The following AKAP9 variants were observed in gnomAD, a reference collection of about 807,000 sequenced individuals.
AKAP9 encodes A-kinase anchor protein 9.
Under a neutral mutation model 488.5 loss-of-function variants are expected in AKAP9, and 311 were observed. The ratio of observed to expected loss-of-function variants is 0.64; its 90% CI spans 0.58 to 0.70. The LOEUF (loss-of-function observed/expected upper bound fraction) is 0.70, where lower values mean the gene tolerates loss of function less well. AKAP9 is among the 30% of genes least tolerant of loss of function. The pLI is 0.00. For missense variants in AKAP9, 4,215 were observed against 4,374.5 expected, an observed-to-expected ratio of 0.96 and a Z score of 1.03; for synonymous variants, 1,462 against 1,483.5, an observed-to-expected ratio of 0.99 and a Z score of 0.33.
chr7:91,943,746 A>G (rs889867807), intron 1 of AKAP9, among the ~76,000 whole-genome samples: 1 of 152,256 alleles, frequency 6.6e-6, no homozygotes, highest in South Asian at 2.1e-4. Context: ...ATGAGTCATT[A>G]ATAAGTGTTA....
intron 7 of AKAP9, among the ~76,000 whole-genome samples, chr7:91,999,894 A>C (rs1798930116): frequency 6.6e-6 from 1 of 152,020 alleles, no homozygotes; most frequent in African/African-American, 2.4e-5. Context: ...GGCACCTTTA[A>C]GTCCTGTTTG....
chr7:92,094,908 C>A, intron 39 of AKAP9, 115 bp from the exon 40 acceptor site: 1 of 798,872 alleles, frequency 1.3e-6, no homozygotes, highest in Non-Finnish European at 2.1e-6. Flanking sequence ...TTTATATTTT[C>A]CTCTTAGCTA....
intron 3 of AKAP9, among the ~76,000 whole-genome samples, chr7:91,990,648 T>C (rs1215675756): frequency 6.6e-6 from 1 of 152,176 alleles, no homozygotes; most frequent in Admixed American, 6.6e-5. Context: ...TAGATGAAAC[T>C]ATAAACATAA....
intron 1 of AKAP9, among the ~76,000 whole-genome samples, chr7:91,969,641 C>A (rs1477945322): frequency 2.0e-5 from 3 of 152,136 alleles, no homozygotes; most frequent in East Asian, 1.9e-4. Context: ...TAAATTGACA[C>A]CTTTATCATT....
At chr7:92,102,029 G>A (rs1044540568) in intron 45 of AKAP9, among the ~76,000 whole-genome samples, 18 of 151,790 alleles carry the variant, frequency 1.2e-4, no homozygotes, top group East Asian at 5.8e-4. Context: ...GGTGGTGGGC[G>A]CCTGTAATCC....
At chr7:91,951,084 G>A (rs1792181848) in intron 1 of AKAP9, among the ~76,000 whole-genome samples, 1 of 151,386 alleles carries the variant, frequency 6.6e-6, no homozygotes, top group Admixed American at 6.6e-5. Flanking sequence ...TTGAGAAAAA[G>A]AAAAGATAAT....
At chr7:92,045,872 C>T (rs1055041381) in intron 21 of AKAP9, among the ~76,000 whole-genome samples, 26 of 122,862 alleles carry the variant, frequency 2.1e-4, no homozygotes, top group South Asian at 7.6e-4. Context: ...CTTGCTCTGT[C>T]GCCCAGGCTG....
chr7:92,091,688 C>T (rs1019119838), intron 38 of AKAP9, among the ~76,000 whole-genome samples: 1 of 149,966 alleles, frequency 6.7e-6, no homozygotes, highest in Non-Finnish European at 1.5e-5. Flanking sequence ...AAAAGAGAGT[C>T]ATAATGAGAT....
intron 37 of AKAP9, among the ~76,000 whole-genome samples, chr7:92,086,977 C>T (rs1055914811): frequency 6.6e-6 from 1 of 152,150 alleles, no homozygotes; most frequent in African/African-American, 2.4e-5. Flanking sequence ...CACCATAAAG[C>T]ACTTCAGCAC....
chr7:92,044,687 C>T (rs1291251205), intron 20 of AKAP9, among the ~76,000 whole-genome samples: 1 of 152,032 alleles, frequency 6.6e-6, no homozygotes, highest in East Asian at 1.9e-4. Context: ...TTTTGTCTCC[C>T]AAGATTTTCT....
chr7:92,048,887 T>C (rs934602810), intron 21 of AKAP9, among the ~76,000 whole-genome samples: 12 of 152,134 alleles, frequency 7.9e-5, no homozygotes, highest in Admixed American at 5.2e-4. Flanking sequence ...CAGAAGGCCT[T>C]GTTTTCTTTT....
At chr7:91,990,542 A>C (rs1245659954) in intron 3 of AKAP9, among the ~76,000 whole-genome samples, 1 of 152,212 alleles carries the variant, frequency 6.6e-6, no homozygotes, top group Non-Finnish European at 1.5e-5. Flanking sequence ...GTCATGTATT[A>C]ATGGTATTTT....
intron 1 of AKAP9, among the ~76,000 whole-genome samples, chr7:91,968,850 C>T (rs11764979): frequency 0.12 from 18,329 of 151,928 alleles, 1,251 homozygotes; most frequent in East Asian, 0.37. Context: ...ACCCATTTGT[C>T]CTTCAGGATT....
chr7:91,994,352 TA>T (rs1286243707), intron 5 of AKAP9, among the ~76,000 whole-genome samples: 2 of 152,324 alleles, frequency 1.3e-5, no homozygotes, highest in African/African-American at 4.8e-5. Context: ...GGGAACAGAT[TA>T]GGGGCACCCC....
At position 92,027,326 on chromosome 7, in the gene AKAP9, G is replaced by A. The variant is rs538492773; in HGVS notation, c.4149-2569G>A. Among the ~76,000 whole-genome samples the A allele has an allele frequency of 2.6e-3, 307 of 116,454 alleles. 2 individuals carry two copies. The highest frequency in any genetic ancestry group is 8.8e-3 in the Middle Eastern group (1 of 114). 76.4% of individuals were successfully genotyped at this position (116,454 alleles called of 152,430 possible). The stretch of plus-strand genomic sequence containing the variant: ...AGCACCTCTGCCCGGCCGCCACCCC[G>A]TCTAGGAAGTGAGGAGCGCCTCTGC... On this transcript the variant is annotated intron_variant, in intron 14 of 49. Coordinates refer to ENST00000356239, the MANE Select transcript of AKAP9 (RefSeq NM_005751.5).
rs556815849 is a variant in AKAP9 at position 91,976,718 on chromosome 7, A to G, written c.306+2750A>G. On this transcript the variant is annotated intron_variant, in intron 2 of 49. Coordinates refer to ENST00000356239, the MANE Select transcript of AKAP9 (RefSeq NM_005751.5). ...TCTGTTCTTCAGAGTGGATAATTGC[A>G]ATTCATCTATCTTGAAGTTTGCTGA... 3.6e-4 allele frequency among the ~76,000 whole-genome samples: 55 copies of G among 151,080 alleles called. No individual in the cohort carries two copies. The Middle Eastern group carries it at 0.01, about 28-fold the overall frequency.
chr7:92,016,085 T>C, intron 10 of AKAP9, 44 bp from the exon 11 acceptor site: 1 of 1,525,032 alleles, frequency 6.6e-7, no homozygotes, highest in Non-Finnish European at 9.0e-7. Context: ...GAAGCAGAAA[T>C]CAAAATTTAA....
chr7:91,943,281 T>C (rs538771478), intron 1 of AKAP9, among the ~76,000 whole-genome samples: 1 of 152,180 alleles, frequency 6.6e-6, no homozygotes, highest in African/African-American at 2.4e-5. Context: ...GTTATATAAA[T>C]ATGATGGAAT....
chr7:91,961,123 T>C (rs1001523074), intron 1 of AKAP9, among the ~76,000 whole-genome samples: 2 of 152,114 alleles, frequency 1.3e-5, no homozygotes, highest in African/African-American at 4.8e-5. Flanking sequence ...CTGAAGAGAT[T>C]CCAAATAGTT....
Sources: gnomAD v4.1 joint callset for allele counts (sites outside exome capture counted in the v4.1 genomes callset) on GRCh38, gnomAD v4.1.1 for gene constraint, MANE v1.5 for transcripts, NCBI Gene and HGNC (gene_info 2026-07-23, HGNC 2026-07-21) for gene names.